Variants in ROR2 observed in about 807,000 individuals in gnomAD.
ROR2 encodes ROR family WNT receptor 2.
In ROR2, 33 loss-of-function variants were observed where a neutral mutation model predicts 74.9. That is an observed-to-expected ratio of 0.44 (90% CI 0.33 to 0.59). The LOEUF (loss-of-function observed/expected upper bound fraction) is 0.59, where lower values mean the gene tolerates loss of function less well. Among genes scored for constraint, ROR2 ranks in the 20% least tolerant of loss-of-function variants. The pLI is 0.02. For synonymous variants in ROR2, 586 were observed against 558.7 expected (o/e 1.05, Z -0.69); for missense variants, 1,216 against 1,313.8 (o/e 0.93, Z 1.15).
chr9:91,877,175 G>A (rs964906583), intron 1 of ROR2, among the ~76,000 whole-genome samples: 3 of 152,190 alleles, frequency 2.0e-5, no homozygotes, highest in East Asian at 1.9e-4. Flanking sequence ...TATCAAGCAC[G>A]TGCAGGTGGA....
chr9:91,831,729 C>T (rs994113091), intron 1 of ROR2, among the ~76,000 whole-genome samples: 5 of 152,022 alleles, frequency 3.3e-5, no homozygotes, highest in Admixed American at 6.5e-5. Flanking sequence ...GCAGGAGAAT[C>T]GCTTGAACCC....
At chr9:91,857,140 G>C (rs1256829609) in intron 1 of ROR2, among the ~76,000 whole-genome samples, 2 of 152,232 alleles carry the variant, frequency 1.3e-5, no homozygotes, top group Non-Finnish European at 2.9e-5. Context: ...CTGCCATCTT[G>C]TTTCACGAGT....
intron 2 of ROR2, among the ~76,000 whole-genome samples, chr9:91,770,846 C>A (rs1826204546): frequency 6.6e-6 from 1 of 152,194 alleles, no homozygotes; most frequent in Admixed American, 6.5e-5. Context: ...TACGTACACA[C>A]AGGCACGCAT....
At chr9:91,793,537 T>A in intron 1 of ROR2, among the ~76,000 whole-genome samples, 1 of 151,484 alleles carries the variant, frequency 6.6e-6, no homozygotes, top group Non-Finnish European at 1.5e-5. Flanking sequence ...CTGGTGCGGG[T>A]GGATCATGAG....
intron 1 of ROR2, among the ~76,000 whole-genome samples, chr9:91,864,597 A>C (rs368384533): frequency 2.6e-5 from 4 of 152,242 alleles, no homozygotes; most frequent in African/African-American, 4.8e-5. Context: ...ACACAAATCA[A>C]GACAATCAGC....
intron 1 of ROR2, among the ~76,000 whole-genome samples, chr9:91,849,837 G>T (rs1249488516): frequency 1.3e-5 from 2 of 152,154 alleles, no homozygotes; most frequent in African/African-American, 4.8e-5. Flanking sequence ...TGAACATGTT[G>T]TTTGGCCTAA....
chr9:91,862,039 G>T (rs1018591112), intron 1 of ROR2, among the ~76,000 whole-genome samples: 2 of 152,066 alleles, frequency 1.3e-5, no homozygotes, highest in African/African-American at 4.8e-5. Flanking sequence ...AGAAGAAGAA[G>T]AAGGCCGGGC....
At chr9:91,882,376 A>G (rs1400026007) in intron 1 of ROR2, among the ~76,000 whole-genome samples, 1 of 147,580 alleles carries the variant, frequency 6.8e-6, no homozygotes, top group African/African-American at 2.5e-5. Flanking sequence ...ATGCCATTGC[A>G]CTCCAGCCCA....
chr9:91,832,753 T>C (rs1376916563), intron 1 of ROR2, among the ~76,000 whole-genome samples: 3 of 152,206 alleles, frequency 2.0e-5, no homozygotes, highest in Non-Finnish European at 4.4e-5. Flanking sequence ...TCTTTTCATA[T>C]ATATCTCCTA....
chr9:91,909,838 GTTTGTTTTGTTTT>G (rs1166091123), intron 1 of ROR2, among the ~76,000 whole-genome samples: 1,357 of 63,092 alleles, frequency 0.022, 21 homozygotes, highest in African/African-American at 0.084. Context: ...TTTTTTTTAG[GTTTGTTTTGTTTT>G]TTTTTTTTTT....
rs118012107 is a variant in ROR2 at position 91,788,357 on chromosome 9, A to G, written c.98-12539T>C. ...AAGTATTAATTTACACATTTGAGAAACTCAAAGAACTCCAAGTTGGATAAA... is the reference window on the plus strand; with the variant it reads ...AAGTATTAATTTACACATTTGAGAAGCTCAAAGAACTCCAAGTTGGATAAA... On this transcript the variant is annotated intron_variant, in intron 1 of 8. Transcript: ENST00000375708. Among the ~76,000 whole-genome samples the G allele has an allele frequency of 4.4e-3, 671 of 152,262 alleles. 3 individuals are homozygous for G. The highest frequency in any genetic ancestry group is 6.4e-3 in the Non-Finnish European group (434 of 68,004).
At chr9:91,831,688 T>A (rs143571569) in intron 1 of ROR2, among the ~76,000 whole-genome samples, 1,536 of 141,074 alleles carry the variant, frequency 0.011, 15 homozygotes, top group Non-Finnish European at 0.018. Flanking sequence ...GGCAGGAGAA[T>A]CCTATAATCT....
intron 1 of ROR2, among the ~76,000 whole-genome samples, chr9:91,885,404 T>G (rs1830243008): frequency 6.6e-6 from 1 of 152,180 alleles, no homozygotes. Context: ...TAACCATCCT[T>G]CAAGGGCTTT....
intron 1 of ROR2, among the ~76,000 whole-genome samples, chr9:91,806,881 G>A (rs570037714): frequency 3.3e-5 from 5 of 152,296 alleles, no homozygotes; most frequent in African/African-American, 7.2e-5. Flanking sequence ...AAGCCATCGC[G>A]CCTGGCCGAT....
chr9:91,950,070 G>T lies in ROR2; in HGVS notation c.-107C>A, dbSNP rs1416441949. 9 of 520,322 alleles carry T rather than the reference G, an allele frequency of 1.7e-5. No homozygotes were observed. The highest frequency in any genetic ancestry group is 2.5e-5 in the Non-Finnish European group (8 of 316,886). The allele number at this position is 520,322 out of a possible 1,614,324, so 32.2% of individuals were successfully genotyped here. On this transcript the variant is annotated 5_prime_UTR_variant, in exon 1 of 9. Transcript: ENST00000375708. ...GCGTCCGCTCCTCCTTCTCCCTGGC[G>T]CTTCGCAAACGGGTCCACTTCGAGG...
intron 1 of ROR2, among the ~76,000 whole-genome samples, chr9:91,816,719 G>A (rs928503557): frequency 1.2e-5 from 1 of 80,856 alleles, no homozygotes; most frequent in Non-Finnish European, 2.3e-5. Context: ...ACACACTCTA[G>A]AATTGCCTGG....
intron 1 of ROR2, among the ~76,000 whole-genome samples, chr9:91,941,522 C>T (rs1452068938): frequency 6.6e-6 from 1 of 152,200 alleles, no homozygotes; most frequent in Admixed American, 6.5e-5. Flanking sequence ...TACACCACCT[C>T]TGCACAATTA....
chr9:91,941,850 G>A (rs1831881241), intron 1 of ROR2, among the ~76,000 whole-genome samples: 1 of 151,436 alleles, frequency 6.6e-6, no homozygotes, highest in African/African-American at 2.4e-5. Flanking sequence ...GAGTGTAGTG[G>A]CACGATCTCG....
intron 2 of ROR2, among the ~76,000 whole-genome samples, chr9:91,775,053 T>C (rs1049644590): frequency 6.6e-6 from 1 of 151,738 alleles, no homozygotes; most frequent in Non-Finnish European, 1.5e-5. Flanking sequence ...AGGAGGAGGG[T>C]CCTCTCCAGA....
Sources: allele counts gnomAD v4.1 joint callset (sites outside exome capture counted in the v4.1 genomes callset), GRCh38; gene constraint gnomAD v4.1.1; transcripts MANE v1.5; gene names NCBI Gene and HGNC (gene_info 2026-07-23, HGNC 2026-07-21).